The following SSU72 variants were observed in gnomAD, a reference collection of about 807,000 sequenced individuals.
SSU72 encodes SSU72 homolog, RNA polymerase II CTD phosphatase.
A neutral mutation model predicts 22.7 loss-of-function variants in SSU72; 12 were observed. The ratio of observed to expected loss-of-function variants is 0.53; its 90% CI spans 0.34 to 0.86. SSU72 has a LOEUF of 0.86. SSU72 is among the 40% of genes least tolerant of loss of function. The probability of loss-of-function intolerance (pLI) is 0.02; values close to 1 mark genes in which losing one functional copy is unlikely to be tolerated. For synonymous variants in SSU72, 116 were observed against 98.3 expected, an observed-to-expected ratio of 1.18 and a Z score of -1.06; for missense variants, 151 against 249.8, an observed-to-expected ratio of 0.60 and a Z score of 2.67.
At chr1:1,560,776 C>A (rs1378386129) in intron 2 of SSU72, 1 of 152,158 alleles carries the variant, frequency 6.6e-6, no homozygotes, top group Non-Finnish European at 1.5e-5. Context: ...CACTTGAGGC[C>A]AGGAGTTCGA....
chr1:1,552,775 C>T (rs908327478), intron 2 of SSU72, among the ~76,000 whole-genome samples: 1 of 152,152 alleles, frequency 6.6e-6, no homozygotes, highest in South Asian at 2.1e-4. Context: ...AATCCCTGCA[C>T]GTTGGAAGGC....
chr1:1,564,566 C>A, intron 2 of SSU72: 1 of 1,586,550 alleles, frequency 6.3e-7, no homozygotes, highest in Non-Finnish European at 8.6e-7. Flanking sequence ...GTCTGTGCGC[C>A]TCACCACGCC....
intron 2 of SSU72, among the ~76,000 whole-genome samples, chr1:1,547,050 G>T (rs1410915500): frequency 6.6e-6 from 1 of 151,984 alleles, no homozygotes; most frequent in Non-Finnish European, 1.5e-5. Context: ...AGAAAAAAAA[G>T]AGCTCAAGAC....
At chr1:1,557,914 G>A (rs1027966578) in intron 2 of SSU72, among the ~76,000 whole-genome samples, 6 of 152,246 alleles carry the variant, frequency 3.9e-5, no homozygotes, top group South Asian at 2.1e-4. Context: ...GAACAAATGT[G>A]CAATTTAAAA....
intron 2 of SSU72, among the ~76,000 whole-genome samples, chr1:1,553,464 T>C (rs1415979344): frequency 6.6e-6 from 1 of 151,956 alleles, no homozygotes; most frequent in East Asian, 1.9e-4. Flanking sequence ...AACCCGTCTC[T>C]AGTAAAAGTA....
chr1:1,574,127 G>A (rs182624357), intron 1 of SSU72, among the ~76,000 whole-genome samples: 134 of 152,032 alleles, frequency 8.8e-4, no homozygotes, highest in African/African-American at 3.0e-3. Context: ...ATTGTGTTGC[G>A]CGCCGTTTCC....
rs1642632884 is a variant in SSU72 at position 1,564,398 on chromosome 1, ACACG to A, written c.224+371_224+374del. ...CCATGTGTATCAGGCACGCACGCAC[ACACG>A]CACGCACACCAACCTGCAAAGGAAA... On this transcript the variant is annotated intron_variant, in intron 2 of 4. Coordinates refer to ENST00000291386, the MANE Select transcript of SSU72 (RefSeq NM_014188.3). 5.2e-6 allele frequency: 7 copies of A among 1,350,092 alleles called. No homozygotes were observed. In the Admixed American group the frequency reaches 8.7e-5, roughly 17 times the overall value. 83.6% of individuals were successfully genotyped at this position (1,350,092 alleles called of 1,614,324 possible). A position where few individuals can be genotyped will look rare whatever the true frequency, so the allele number is the denominator to read the frequency against.
At position 1,544,967 on chromosome 1, in the gene SSU72, C is replaced by G; in HGVS notation, c.260G>C (p.Arg87Thr). The G allele has an allele frequency of 6.2e-7, 1 of 1,614,202 alleles. No individual in the cohort carries two copies. The highest frequency in any genetic ancestry group is 8.5e-7 in the Non-Finnish European group (1 of 1,180,040). The change falls in exon 3 of 5, where the codon AGA becomes ACA. Residue 87 changes from arginine to threonine, a missense_variant. Physicochemically the swap from Arg to Thr is moderately conservative, Grantham distance 71. Coordinates refer to ENST00000291386, the MANE Select transcript of SSU72 (RefSeq NM_014188.3). ...TQNGILHMLD[R>T]NKRIKPRPER... ...TGGCCGGGGCTTGATTCTCTTATTTCTGTCCAGCATATGTAAAATCCCATT... is the reference window on the plus strand; with the variant it reads ...TGGCCGGGGCTTGATTCTCTTATTTGTGTCCAGCATATGTAAAATCCCATT...
At chr1:1,544,412 G>A (rs1261356717) in intron 3 of SSU72, among the ~76,000 whole-genome samples, 2 of 152,124 alleles carry the variant, frequency 1.3e-5, no homozygotes, top group Non-Finnish European at 2.9e-5. Flanking sequence ...GAGGACAGGA[G>A]TTCAAGACCA....
intron 2 of SSU72, among the ~76,000 whole-genome samples, chr1:1,548,055 T>C (rs1036637556): frequency 8.5e-5 from 13 of 152,106 alleles, no homozygotes; most frequent in Non-Finnish European, 1.8e-4. Context: ...CCCAGAAAAG[T>C]GGGCCAAGAG....
intron 2 of SSU72, among the ~76,000 whole-genome samples, chr1:1,559,287 A>C (rs530631728): frequency 6.6e-6 from 1 of 152,314 alleles, no homozygotes; most frequent in Admixed American, 6.5e-5. Context: ...GACCTGTAGC[A>C]CGGGAAGCTG....
chr1:1,567,984 G>A (rs1367590936), intron 1 of SSU72, among the ~76,000 whole-genome samples: 2 of 151,162 alleles, frequency 1.3e-5, no homozygotes, highest in Non-Finnish European at 2.9e-5. Context: ...GAGACAGCCT[G>A]CCTCCCAACA....
chr1:1,542,012 G>A lies in SSU72; in HGVS notation c.*54C>T. On this transcript the variant is annotated 3_prime_UTR_variant, in exon 5 of 5. Transcript: ENST00000291386. The surrounding 1 kb of genome is among the most constrained non-coding windows in gnomAD (Gnocchi z 4.4). ...GTAAGTAAAAACAAATGTCAGGAAG[G>A]AAAAAGTATGAACAACAGGAAGCTC... 6.6e-7 allele frequency: 1 copy of A among 1,512,984 alleles called. No homozygotes were observed. The highest frequency in any genetic ancestry group is 9.0e-7 in the Non-Finnish European group (1 of 1,112,758). The allele number at this position is 1,512,984 out of a possible 1,614,324, so 93.7% of individuals were successfully genotyped here. A position where few individuals can be genotyped will look rare whatever the true frequency, so the allele number is the denominator to read the frequency against.
chr1:1,570,175 T>G (rs1011427302), intron 1 of SSU72, among the ~76,000 whole-genome samples: 2 of 151,006 alleles, frequency 1.3e-5, no homozygotes, highest in Non-Finnish European at 1.5e-5. Flanking sequence ...ACACCTGTAA[T>G]CCAAATGCTT....
At chr1:1,552,445 T>G (rs1642465381) in intron 2 of SSU72, among the ~76,000 whole-genome samples, 2 of 152,192 alleles carry the variant, frequency 1.3e-5, no homozygotes, top group South Asian at 4.1e-4. Context: ...TAGGGCCTCC[T>G]GACAAATGAT....
At chr1:1,572,444 C>T (rs921323038) in intron 1 of SSU72, among the ~76,000 whole-genome samples, 1 of 149,760 alleles carries the variant, frequency 6.7e-6, no homozygotes, top group Non-Finnish European at 1.5e-5. Flanking sequence ...ATATATTCTA[C>T]TCCAACTTTA....
chr1:1,556,489 C>T (rs1480964143), intron 2 of SSU72, among the ~76,000 whole-genome samples: 1 of 151,872 alleles, frequency 6.6e-6, no homozygotes, highest in African/African-American at 2.4e-5. Context: ...TGCAGTGAGC[C>T]AAGACCACGC....
chr1:1,560,884 G>A (rs897605456), intron 2 of SSU72: 1 of 152,164 alleles, frequency 6.6e-6, no homozygotes, highest in South Asian at 2.1e-4. Context: ...AAAATTTATT[G>A]AAGGCTTTAA....
At chr1:1,557,032 C>T (rs919913565) in intron 2 of SSU72, among the ~76,000 whole-genome samples, 3 of 152,216 alleles carry the variant, frequency 2.0e-5, no homozygotes, top group Non-Finnish European at 4.4e-5. Context: ...TTTCTAAAAC[C>T]CACGATCAGA....
Sources: gnomAD v4.1 joint callset for allele counts (sites outside exome capture counted in the v4.1 genomes callset) on GRCh38, gnomAD v4.1.1 for gene constraint, Gnocchi (gnomAD v3.1) non-coding constraint, MANE v1.5 for transcripts, NCBI Gene and HGNC (gene_info 2026-07-23, HGNC 2026-07-21) for gene names.